The following PPP1R2 variants were observed in gnomAD, a reference collection of about 807,000 sequenced individuals.
The protein encoded by PPP1R2 is protein phosphatase inhibitor 2.
Under a neutral mutation model 29.9 loss-of-function variants are expected in PPP1R2, and 16 were observed. That is an observed-to-expected ratio of 0.53 (90% CI 0.36 to 0.81). The LOEUF is 0.81. Ranked by LOEUF, PPP1R2 falls within the 30% of genes least tolerant of loss-of-function variation. The probability of loss-of-function intolerance (pLI) is 0.00; values close to 1 mark genes in which losing one functional copy is unlikely to be tolerated. For synonymous variants in PPP1R2, 76 were observed against 91.5 expected (o/e 0.83, Z 0.96); for missense variants, 197 against 252.7 (o/e 0.78, Z 1.49).
At chr3:195,542,548 T>C (rs1404007764) in intron 1 of PPP1R2, among the ~76,000 whole-genome samples, 1 of 152,198 alleles carries the variant, frequency 6.6e-6, no homozygotes, top group Non-Finnish European at 1.5e-5. Flanking sequence ...AAATACACTG[T>C]AATTATCGAA....
chr3:195,516,994 T>A, intron 5 of PPP1R2, 52 bp from the exon 6 acceptor site: 1 of 1,473,080 alleles, frequency 6.8e-7, no homozygotes, highest in African/African-American at 1.4e-5. Context: ...TTGTCAACCC[T>A]GGCTAAAGTT....
In PPP1R2 at chr3:195,520,290, A is replaced by G. The variant is rs147101878; in HGVS notation, c.404-1105T>C. 5.7e-3 allele frequency among the ~76,000 whole-genome samples: 862 copies of G among 152,268 alleles called. 6 individuals carry two copies. The highest frequency in any genetic ancestry group is 0.018 in the African/African-American group (759 of 41,572). On this transcript the variant is annotated intron_variant, in intron 4 of 5. Transcript: ENST00000618156. ...CTCCAAAAGTGCTGGGATTACAGGC[A>G]TGAGCCACTGCGCCTGGCTTCACCA...
At chr3:195,527,734 T>G (rs1719024611) in intron 2 of PPP1R2, 1 of 171,546 alleles carries the variant, frequency 5.8e-6, no homozygotes, top group African/African-American at 2.4e-5. Context: ...TTGGGCACGG[T>G]GATGTGTGCC....
Position 195,543,068 on chromosome 3 carries a change from T to TG in PPP1R2, c.-44dup. ...GTCGGCTCAGGGTCGCTGCTTGGCG[T>TG]GGGGTCCGCGAAGAGAAGGGTCGGC... On this transcript the variant is annotated 5_prime_UTR_variant, in exon 1 of 6. Transcript: ENST00000618156. 6.3e-7 allele frequency: 1 copy of TG among 1,576,210 alleles called. No individual in the cohort carries two copies.
intron 1 of PPP1R2, among the ~76,000 whole-genome samples, chr3:195,534,892 CA>C: frequency 6.6e-6 from 1 of 152,266 alleles, no homozygotes; most frequent in South Asian, 2.1e-4. Flanking sequence ...TGATTCTGGA[CA>C]ATGTCTCTCT....
intron 5 of PPP1R2, 109 bp from the exon 6 acceptor site, chr3:195,517,051 C>A: frequency 2.4e-6 from 2 of 846,358 alleles, no homozygotes; most frequent in South Asian, 3.0e-5. Context: ...ATTTTAAAAA[C>A]AAATAAGGTA....
chr3:195,542,446 G>A (rs903015864), intron 1 of PPP1R2, among the ~76,000 whole-genome samples: 11 of 152,334 alleles, frequency 7.2e-5, no homozygotes, highest in South Asian at 6.2e-4. Flanking sequence ...CAGAAATACA[G>A]TGTGGCACAA....
In PPP1R2 at chr3:195,516,567, C is replaced by T. The variant is rs1288642348; in HGVS notation, c.*329G>A. On this transcript the variant is annotated 3_prime_UTR_variant, in exon 6 of 6. Coordinates refer to ENST00000618156, the MANE Select transcript of PPP1R2 (RefSeq NM_006241.8). The stretch of plus-strand genomic sequence containing the variant: ...TTCAAGTGATGAAAATAAATTAGTT[C>T]CCCCCCAAAGATATTGTTTAACTTC... The T allele has an allele frequency of 8.8e-6, 2 of 227,836 alleles. No homozygotes were observed. The highest frequency in any genetic ancestry group is 1.7e-5 in the Non-Finnish European group (2 of 116,920). 14.1% of individuals were successfully genotyped at this position (227,836 alleles called of 1,614,324 possible).
intron 5 of PPP1R2, among the ~76,000 whole-genome samples, chr3:195,517,635 T>C (rs1718595771): frequency 1.3e-5 from 2 of 152,140 alleles, no homozygotes; most frequent in Admixed American, 1.3e-4. Context: ...TGTAATATCT[T>C]ATAAGCAGAG....
intron 1 of PPP1R2, among the ~76,000 whole-genome samples, chr3:195,532,453 T>C (rs1283656924): frequency 6.6e-6 from 1 of 152,114 alleles, no homozygotes; most frequent in African/African-American, 2.4e-5. Flanking sequence ...GGGACTGAAC[T>C]AGACTGGGTA....
At chr3:195,535,938 C>T (rs1719363261) in intron 1 of PPP1R2, among the ~76,000 whole-genome samples, 2 of 152,124 alleles carry the variant, frequency 1.3e-5, no homozygotes, top group Admixed American at 6.5e-5. Flanking sequence ...TCACCCAAGA[C>T]AGTGAGACCA....
intron 1 of PPP1R2, among the ~76,000 whole-genome samples, chr3:195,533,966 A>G (rs1299319969): frequency 6.6e-6 from 1 of 152,216 alleles, no homozygotes; most frequent in African/African-American, 2.4e-5. Flanking sequence ...ACAGAGAAGC[A>G]GCTTCTGCCA....
At chr3:195,540,593 T>C (rs1353656609) in intron 1 of PPP1R2, among the ~76,000 whole-genome samples, 2 of 152,202 alleles carry the variant, frequency 1.3e-5, no homozygotes, top group East Asian at 1.9e-4. Flanking sequence ...AAAAGGTGAC[T>C]GGGTCATGAG....
intron 2 of PPP1R2, among the ~76,000 whole-genome samples, chr3:195,526,685 G>C (rs1718983832): frequency 6.6e-6 from 1 of 152,106 alleles, no homozygotes; most frequent in Admixed American, 6.5e-5. Context: ...CGTGATCATG[G>C]CTAATTGCAG....
chr3:195,522,950 G>A (rs1458419853), intron 4 of PPP1R2: 4 of 151,908 alleles, frequency 2.6e-5, no homozygotes, highest in African/African-American at 9.7e-5. Context: ...CACAAGCTTG[G>A]ATTTTCCTTT....
At chr3:195,517,123 A>G (rs1044655571) in intron 5 of PPP1R2, among the ~76,000 whole-genome samples, 181 bp from the exon 6 acceptor site, 2 of 152,178 alleles carry the variant, frequency 1.3e-5, no homozygotes, top group Admixed American at 6.5e-5. Context: ...TAAATAGTCT[A>G]AAGAACAGAA....
At chr3:195,529,340 GAAC>G (rs1719098700) in intron 2 of PPP1R2, 1 of 152,488 alleles carries the variant, frequency 6.6e-6, no homozygotes, top group Non-Finnish European at 1.5e-5. Flanking sequence ...GTAATGATCT[GAAC>G]AACAATATTA....
intron 2 of PPP1R2, chr3:195,527,750 TCAGCTA>T: frequency 5.5e-6 from 1 of 181,010 alleles, no homozygotes; most frequent in South Asian, 9.5e-5. Flanking sequence ...GTGCCCATAG[TCAGCTA>T]CCTGGGAGGC....
At chr3:195,526,080 A>C (rs933289532) in intron 2 of PPP1R2, among the ~76,000 whole-genome samples, 2 of 149,864 alleles carry the variant, frequency 1.3e-5, no homozygotes, top group Non-Finnish European at 2.9e-5. Context: ...TGTTTCTATA[A>C]AAAGCATCTT....
Sources: allele counts gnomAD v4.1 joint callset (sites outside exome capture counted in the v4.1 genomes callset), GRCh38; gene constraint gnomAD v4.1.1; transcripts MANE v1.5; gene names NCBI Gene and HGNC (gene_info 2026-07-23, HGNC 2026-07-21).